Variants in SNAP47 observed in about 807,000 individuals in gnomAD.
SNAP47 encodes synaptosome associated protein 47, also known as synaptosomal-associated protein 47.
A neutral mutation model predicts 31.4 loss-of-function variants in SNAP47; 20 were observed. That is an observed-to-expected ratio of 0.64 (90% CI 0.45 to 0.93). SNAP47 has a LOEUF of 0.93. SNAP47 is among the 40% of genes least tolerant of loss of function. SNAP47 has a pLI of 0.00. For synonymous variants in SNAP47, 194 were observed against 213.4 expected, an observed-to-expected ratio of 0.91 and a Z score of 0.79; for missense variants, 492 against 528.5, an observed-to-expected ratio of 0.93 and a Z score of 0.68.
chr1:227,755,738 G>A (rs1467926949), intron 2 of SNAP47, among the ~76,000 whole-genome samples: 1 of 152,126 alleles, frequency 6.6e-6, no homozygotes, highest in Non-Finnish European at 1.5e-5. Context: ...CATGCTGGGA[G>A]TCCAGGTTTT....
At chr1:227,734,291 G>A, upstream of SNAP47, 1 of 429,142 alleles carries the variant, frequency 2.3e-6, no homozygotes, top group South Asian at 3.5e-5. Flanking sequence ...TGAGGTGGAT[G>A]CATCACCTGA....
intron 4 of SNAP47, chr1:227,776,050 C>T (rs1664139768): frequency 8.4e-7 from 1 of 1,192,564 alleles, no homozygotes; most frequent in Admixed American, 3.4e-5. Context: ...GTCAGCCACG[C>T]ATCAGTTGCG....
rs1256598674 is a variant in SNAP47, at chr1:227,762,185, C to G, written c.988+2700C>G. 2.6e-5 allele frequency among the ~76,000 whole-genome samples: 4 copies of G among 152,234 alleles called. No individual in the cohort carries two copies. Among genetic ancestry groups the G allele is most frequent in the African/African-American group, 9.6e-5 (4 of 41,466 alleles). ...GCTGCATGTGTGAGATGGACTGTTGCTCCTGTGGGGGACTGTTGTGCCACC... is the reference window on the plus strand; with the variant it reads ...GCTGCATGTGTGAGATGGACTGTTGGTCCTGTGGGGGACTGTTGTGCCACC... On this transcript the variant is annotated intron_variant, in intron 3 of 4. Coordinates refer to ENST00000617596, the MANE Select transcript of SNAP47 (RefSeq NM_053052.4). This position sits in a 1 kb window ranked among gnomAD's most constrained non-coding sequence, Gnocchi z 4.2.
intron 4 of SNAP47, chr1:227,776,848 A>C (rs1664190543): frequency 1.3e-5 from 13 of 985,328 alleles, no homozygotes; most frequent in Non-Finnish European, 1.6e-5. Context: ...TCAACAGGCT[A>C]TTTGGAATGA....
At chr1:227,764,936 G>A (rs747265578) in intron 3 of SNAP47, among the ~76,000 whole-genome samples, 18 of 152,244 alleles carry the variant, frequency 1.2e-4, no homozygotes, top group Non-Finnish European at 1.6e-4. Context: ...TTAGCAGGTC[G>A]TAGTGCTGCA....
intron 4 of SNAP47, among the ~76,000 whole-genome samples, chr1:227,772,158 G>A (rs914360819): frequency 6.6e-6 from 1 of 152,180 alleles, no homozygotes; most frequent in Non-Finnish European, 1.5e-5. Flanking sequence ...AAGGTAATAC[G>A]TGTTATAGCA....
At chr1:227,777,198 A>C (rs2103002531) in intron 4 of SNAP47, 1 of 649,714 alleles carries the variant, frequency 1.5e-6, no homozygotes, top group Non-Finnish European at 1.9e-6. Context: ...GTACATACTC[A>C]TGGGTTACGT....
upstream of SNAP47, among the ~76,000 whole-genome samples, chr1:227,728,269 T>G (rs569771639): frequency 6.6e-5 from 10 of 151,588 alleles, no homozygotes; most frequent in South Asian, 2.1e-3. Context: ...GGCGTCCCGC[T>G]GCCCGGAACA....
upstream of SNAP47, chr1:227,732,563 A>G: frequency 4.3e-6 from 7 of 1,613,478 alleles, no homozygotes; most frequent in Non-Finnish European, 5.9e-6. Context: ...AACCCAACCC[A>G]GCACCGTCCT....
upstream of SNAP47, chr1:227,733,769 G>C: frequency 6.3e-7 from 1 of 1,588,030 alleles, no homozygotes; most frequent in Non-Finnish European, 8.5e-7. Context: ...AACTGAAGGA[G>C]GGGTGGCCCC....
upstream of SNAP47, chr1:227,733,193 C>T (rs371183453): frequency 2.8e-5 from 25 of 894,348 alleles, no homozygotes; most frequent in Admixed American, 1.6e-4. Flanking sequence ...GTGGCGGGCT[C>T]GGACCACCTC....
intron 4 of SNAP47, among the ~76,000 whole-genome samples, chr1:227,770,263 C>T (rs1017969405): frequency 1.3e-5 from 2 of 152,188 alleles, no homozygotes; most frequent in African/African-American, 4.8e-5. Flanking sequence ...AAAGGGTTCC[C>T]AGGGAGCCGA....
upstream of SNAP47, chr1:227,734,628 C>G: frequency 1.2e-6 from 2 of 1,611,276 alleles, no homozygotes; most frequent in South Asian, 2.2e-5. Context: ...GGCAGCGCCT[C>G]GGTGCGTCCC....
upstream of SNAP47, chr1:227,733,867 C>G (rs370146216): frequency 6.2e-7 from 1 of 1,610,622 alleles, no homozygotes; most frequent in Admixed American, 1.7e-5. Flanking sequence ...GTTCTGTCAC[C>G]AGGCCCCTTC....
rs184017621 is a variant in SNAP47, at chr1:227,765,889, T to G, written c.989-1070T>G. Among the ~76,000 whole-genome samples, 780 of 151,884 alleles carry G rather than the reference T, an allele frequency of 5.1e-3. 18 individuals are homozygous for G. In the South Asian group the frequency reaches 0.056, roughly 11 times the overall value. The stretch of plus-strand genomic sequence containing the variant: ...TGAGCTTGTCAGGATCATTTGGGGG[T>G]TGATAGGCTGGCGGGGGTGGCATCT... On this transcript the variant is annotated intron_variant, in intron 3 of 4. Coordinates refer to ENST00000617596, the MANE Select transcript of SNAP47 (RefSeq NM_053052.4).
chr1:227,734,770 G>A (rs373064733), upstream of SNAP47: 1 of 1,614,028 alleles, frequency 6.2e-7, no homozygotes, highest in Non-Finnish European at 8.5e-7. Flanking sequence ...TGGGGTTCGA[G>A]TTGTATTCCT....
At chr1:227,733,920 G>T (rs765666881), upstream of SNAP47, 4 of 1,613,692 alleles carry the variant, frequency 2.5e-6, no homozygotes, top group South Asian at 2.2e-5. Flanking sequence ...CTGCCCGCAG[G>T]CCCCGCGTAG....
chr1:227,773,659 C>A (rs1025550201), intron 4 of SNAP47, among the ~76,000 whole-genome samples: 2 of 152,248 alleles, frequency 1.3e-5, no homozygotes, highest in African/African-American at 4.8e-5. Flanking sequence ...TTATGCTGCA[C>A]ATTTACGGCA....
chr1:227,763,390 GTGTC>G lies in SNAP47; in HGVS notation c.989-3562_989-3559del, dbSNP rs1193066210. Among the ~76,000 whole-genome samples, 1 of 152,246 alleles carries G rather than the reference GTGTC, an allele frequency of 6.6e-6. No homozygotes were observed. The highest frequency in any genetic ancestry group is 1.5e-5 in the Non-Finnish European group (1 of 68,052). ...CTGTACCTCTGCTTCCCCGGGCCGT[GTGTC>G]TGTCTGCACAGCAGCACCAGCAGCA... On this transcript the variant is annotated intron_variant, in intron 3 of 4. Transcript: ENST00000617596. This position sits in a 1 kb window ranked among gnomAD's most constrained non-coding sequence, Gnocchi z 4.2.
Sources: gnomAD v4.1 joint callset for allele counts (sites outside exome capture counted in the v4.1 genomes callset) on GRCh38, gnomAD v4.1.1 for gene constraint, Gnocchi (gnomAD v3.1) non-coding constraint, MANE v1.5 for transcripts, NCBI Gene and HGNC (gene_info 2026-07-23, HGNC 2026-07-21) for gene names.